Variants in HMCN2 observed in about 807,000 individuals in gnomAD.
The protein encoded by HMCN2 is hemicentin-2.
In HMCN2, 325 loss-of-function variants were observed where a neutral mutation model predicts 377.5. The ratio of observed to expected loss-of-function variants is 0.86; its 90% CI spans 0.79 to 0.94. HMCN2 has a LOEUF of 0.94. Among genes scored for constraint, HMCN2 ranks in the 40% least tolerant of loss-of-function variants. The pLI, the probability that HMCN2 is intolerant of heterozygous loss-of-function variation, is 0.00. For missense variants in HMCN2, 4,543 were observed against 4,725.3 expected, an observed-to-expected ratio of 0.96 and a Z score of 1.13; for synonymous variants, 2,007 against 2,046.8, an observed-to-expected ratio of 0.98 and a Z score of 0.53.
chr9:130,343,620 T>C (rs949686992), intron 25 of HMCN2, among the ~76,000 whole-genome samples: 2 of 152,256 alleles, frequency 1.3e-5, no homozygotes, highest in South Asian at 4.1e-4. Context: ...TTCTGCGCTT[T>C]TGGGAGGTGG....
chr9:130,378,231 G>A (rs927570884), intron 53 of HMCN2, among the ~76,000 whole-genome samples: 7 of 150,742 alleles, frequency 4.6e-5, no homozygotes, highest in African/African-American at 1.7e-4. Context: ...AGTGTTTGAC[G>A]TTTTCCTTTT....
Position 130,353,080 on chromosome 9 carries a change from T to C in HMCN2, c.4739T>C (p.Val1580Ala). The C allele has an allele frequency of 7.7e-7, 1 of 1,304,112 alleles. No individual in the cohort carries two copies. The highest frequency in any genetic ancestry group is 1.0e-6 in the Non-Finnish European group (1 of 988,896). The allele number at this position is 1,304,112 out of a possible 1,614,324, so 80.8% of individuals were successfully genotyped here. ...GALLPTSTKV[V>A]YTRGGRQLQL... ...CTGCTCCCCACCAGCACCAAGGTGG[T>C]CTACACTAGGGGCGGTCGGCAGTTG... Residue 1580 changes from valine to alanine, a missense_variant, in exon 31 of 98, where the codon GTC becomes GCC. This residue lies in a region of HMCN2 where 1,032 missense variants were observed against 1,285.1 expected (regional missense o/e 0.80). Coordinates refer to ENST00000683500, the MANE Select transcript of HMCN2 (RefSeq NM_001291815.2).
chr9:130,317,928 G>A (rs1837651000), intron 15 of HMCN2, among the ~76,000 whole-genome samples: 1 of 152,108 alleles, frequency 6.6e-6, no homozygotes, highest in African/African-American at 2.4e-5. Flanking sequence ...GCTGCAGCTG[G>A]GCTCTGCGGC....
At chr9:130,313,358 T>G (rs1324097403) in intron 15 of HMCN2, among the ~76,000 whole-genome samples, 2 of 152,132 alleles carry the variant, frequency 1.3e-5, no homozygotes. Flanking sequence ...CCTGCACTTG[T>G]GGACCAGCCT....
Position 130,287,785 on chromosome 9 carries a change from C to A in HMCN2, c.612+1475C>A, listed in dbSNP as rs539570076. Among the ~76,000 whole-genome samples the A allele has an allele frequency of 2.2e-4, 34 of 152,232 alleles. 1 individual carries two copies. In the South Asian group the frequency reaches 6.6e-3, roughly 30 times the overall value. On this transcript the variant is annotated intron_variant, in intron 4 of 97. Coordinates refer to ENST00000683500, the MANE Select transcript of HMCN2 (RefSeq NM_001291815.2). ...AAATAGCTGGTGAATGGACAGGGTC[C>A]CTTGTGCTCAAGTCCCTGGTAAGAG...
rs782199832 is a variant in HMCN2 at position 130,303,432 on chromosome 9, G to A, written c.1422-55G>A. 1 of 381,332 alleles carries A rather than the reference G, an allele frequency of 2.6e-6. No homozygotes were observed. Among genetic ancestry groups the A allele is most frequent in the Non-Finnish European group, 5.6e-6 (1 of 178,284 alleles). 23.6% of individuals were successfully genotyped at this position (381,332 alleles called of 1,614,324 possible). A position where few individuals can be genotyped will look rare whatever the true frequency, so the allele number is the denominator to read the frequency against. Reference sequence around the variant, plus strand: ...GATTCAGGGGACTGAAGTCGGGGGGGACCCTGAGTGGGGGTCAGTGTGATT... The same window carrying A: ...GATTCAGGGGACTGAAGTCGGGGGGAACCCTGAGTGGGGGTCAGTGTGATT... On this transcript the variant is annotated intron_variant, in intron 9 of 97. Coordinates refer to ENST00000683500, the MANE Select transcript of HMCN2 (RefSeq NM_001291815.2). The surrounding 1 kb of genome is among the most constrained non-coding windows in gnomAD (Gnocchi z 5.2).
intron 7 of HMCN2, among the ~76,000 whole-genome samples, chr9:130,298,545 C>A (rs1554932954): frequency 6.6e-6 from 1 of 152,146 alleles, no homozygotes; most frequent in East Asian, 1.9e-4. Context: ...GAGTCCAGTT[C>A]TACCTCTTCT....
At chr9:130,419,071 G>A in intron 86 of HMCN2, 30 bp downstream of exon 86, 4 of 1,463,312 alleles carry the variant, frequency 2.7e-6, no homozygotes, top group Non-Finnish European at 3.6e-6. Context: ...GGACCTTCGT[G>A]GACAGAGGCA....
At chr9:130,285,954 A>G (rs1425567744) in intron 3 of HMCN2, among the ~76,000 whole-genome samples, 1 of 152,166 alleles carries the variant, frequency 6.6e-6, no homozygotes, top group African/African-American at 2.4e-5. Flanking sequence ...AATATGGAGC[A>G]CCTACTGTTT....
rs1227121713 is a variant in HMCN2 at position 130,308,798 on chromosome 9, G to T, written c.2201-1114G>T. ...AGATTCTGACACGTGCTACATGGAT[G>T]TCCTGCTAGGTGGACGCTATTCTAG... is the stretch of plus-strand genomic sequence containing the variant. On this transcript the variant is annotated intron_variant, in intron 14 of 97. Transcript: ENST00000683500. This position sits in a 1 kb window ranked among gnomAD's most constrained non-coding sequence, Gnocchi z 4.1. Among the ~76,000 whole-genome samples the T allele has an allele frequency of 2.0e-5, 3 of 152,234 alleles. No homozygotes were observed. Among genetic ancestry groups the T allele is most frequent in the African/African-American group, 7.2e-5 (3 of 41,462 alleles).
intron 89 of HMCN2, 42 bp from the exon 90 acceptor site, chr9:130,425,645 T>TCCCCCCCCC: frequency 1.8e-5 from 12 of 683,064 alleles, no homozygotes; most frequent in South Asian, 6.7e-5. Flanking sequence ...TTTCTCCCTC[T>TCCCCCCCCC]CCCCCACCCC....
At position 130,404,365 on chromosome 9, in the gene HMCN2, G is replaced by A. The variant is rs114340866; in HGVS notation, c.12148+490G>A. ...CAGACTCTGGCTGTGAACTCAGAGG[G>A]GCTCCTGGCTCCAGGATTCCTCCGC... On this transcript the variant is annotated intron_variant, in intron 80 of 97. Coordinates refer to ENST00000683500, the MANE Select transcript of HMCN2 (RefSeq NM_001291815.2). Among the ~76,000 whole-genome samples, 1,434 of 152,276 alleles carry A rather than the reference G, an allele frequency of 9.4e-3. 23 individuals carry two copies. Among genetic ancestry groups the A allele is most frequent in the African/African-American group, 0.033 (1,359 of 41,540 alleles).
intron 25 of HMCN2, among the ~76,000 whole-genome samples, chr9:130,343,292 G>C (rs2131485914): frequency 6.6e-6 from 1 of 152,338 alleles, no homozygotes; most frequent in Admixed American, 6.5e-5. Context: ...GGTGCTGTCT[G>C]GTGTCTGGTA....
At chr9:130,382,341 C>T (rs938965899) in intron 55 of HMCN2, 44 bp downstream of exon 55, 29 of 901,288 alleles carry the variant, frequency 3.2e-5, no homozygotes, top group Middle Eastern at 1.1e-3. Flanking sequence ...GGACTGCAAG[C>T]GCCGTAAGGG....
rs1461081196 is a variant in HMCN2 at position 130,384,749 on chromosome 9, C to T, written c.9057C>T (p.Ala3019=). ...ACTCCGGGATGTACACATGCGAAGCCCTCAATGCTGCCGGCCGAGACCAGA... is the reference window on the plus strand; with the variant it reads ...ACTCCGGGATGTACACATGCGAAGCTCTCAATGCTGCCGGCCGAGACCAGA... ...LSDSGMYTCE[A]LNAAGRDQKL... The change falls in exon 59 of 98, where the codon GCC becomes GCT. Residue 3019 remains alanine, a synonymous_variant. Coordinates refer to ENST00000683500, the MANE Select transcript of HMCN2 (RefSeq NM_001291815.2). 3 of 1,303,116 alleles carry T rather than the reference C, an allele frequency of 2.3e-6. No homozygotes were observed. In the African/African-American group the frequency reaches 4.6e-5, roughly 20 times the overall value. 80.7% of individuals were successfully genotyped at this position (1,303,116 alleles called of 1,614,324 possible). A position where few individuals can be genotyped will look rare whatever the true frequency, so the allele number is the denominator to read the frequency against.
chr9:130,408,241 T>C (rs1401456954), intron 83 of HMCN2, among the ~76,000 whole-genome samples: 2 of 152,222 alleles, frequency 1.3e-5, no homozygotes, highest in Middle Eastern at 3.4e-3. Context: ...AGATCCAACC[T>C]CAGGAAACCA....
intron 37 of HMCN2, 78 bp downstream of exon 37, chr9:130,359,492 C>T (rs1418412570): frequency 7.6e-6 from 5 of 658,464 alleles, no homozygotes; most frequent in African/African-American, 7.5e-5. Context: ...GACCCAGGGA[C>T]TCTCTGATTG....
At position 130,361,496 on chromosome 9, in the gene HMCN2, C is replaced by T. The variant is rs569408409; in HGVS notation, c.5951-512C>T. ...GGCTGGACCTCTTGGGCCTCATGGGCCATGGGAGAGGTTGGTTCTAAGAGC... is the reference window on the plus strand; with the variant it reads ...GGCTGGACCTCTTGGGCCTCATGGGTCATGGGAGAGGTTGGTTCTAAGAGC... On this transcript the variant is annotated intron_variant, in intron 38 of 97. Transcript: ENST00000683500. This position sits in a 1 kb window ranked among gnomAD's most constrained non-coding sequence, Gnocchi z 4.8. 1.3e-5 allele frequency among the ~76,000 whole-genome samples: 2 copies of T among 152,326 alleles called. No homozygotes were observed. Among genetic ancestry groups the T allele is most frequent in the Non-Finnish European group, 2.9e-5 (2 of 68,044 alleles).
chr9:130,327,794 G>A (rs2131423681), intron 22 of HMCN2, among the ~76,000 whole-genome samples: 1 of 152,314 alleles, frequency 6.6e-6, no homozygotes, highest in East Asian at 1.9e-4. Flanking sequence ...GGAGTGAGCT[G>A]CTCGCCATCA....
Sources: allele counts gnomAD v4.1 joint callset (sites outside exome capture counted in the v4.1 genomes callset), GRCh38; gene constraint gnomAD v4.1.1; regional missense constraint gnomAD v4.1.1; non-coding constraint Gnocchi (gnomAD v3.1); transcripts MANE v1.5; gene names NCBI Gene and HGNC (gene_info 2026-07-23, HGNC 2026-07-21).